The following ANXA8 variants were observed in gnomAD, a reference collection of about 807,000 sequenced individuals.
The protein encoded by ANXA8 is annexin A8.
A neutral mutation model predicts 26.8 loss-of-function variants in ANXA8; 9 were observed. That is an observed-to-expected ratio of 0.34 (90% confidence interval 0.20 to 0.59). The LOEUF is 0.59. Ranked by LOEUF, ANXA8 falls within the 20% of genes least tolerant of loss-of-function variation. ANXA8 has a pLI of 0.84. For synonymous variants in ANXA8, 39 were observed against 94.8 expected (o/e 0.41, Z 3.42); for missense variants, 83 against 238.5 (o/e 0.35, Z 4.29).
At chr10:47,676,458 C>G in the ANXA8 span, among the ~76,000 whole-genome samples, 1 of 151,804 alleles carries the variant, frequency 6.6e-6, no homozygotes, top group Admixed American at 6.6e-5. Context: ...AACAGGAGAG[C>G]AACAGGAGAA....
chr10:47,501,806 T>C, the ANXA8 span: 1 of 486,424 alleles, frequency 2.1e-6, no homozygotes, highest in Non-Finnish European at 3.6e-6. Flanking sequence ...TTTTCACACA[T>C]TTTATCTAAA....
the ANXA8 span, among the ~76,000 whole-genome samples, chr10:47,749,667 A>G: frequency 2.7e-5 from 4 of 149,034 alleles, no homozygotes; most frequent in South Asian, 8.7e-4. Flanking sequence ...AGTAAAACCA[A>G]TGGTAGGGGG....
At chr10:47,658,166 G>A in the ANXA8 span, among the ~76,000 whole-genome samples, 3 of 151,850 alleles carry the variant, frequency 2.0e-5, no homozygotes, top group East Asian at 1.9e-4. Flanking sequence ...TCAAGAGATC[G>A]AGACCATCCT....
chr10:47,746,815 A>G, the ANXA8 span, among the ~76,000 whole-genome samples: 2 of 90,136 alleles, frequency 2.2e-5, no homozygotes, highest in African/African-American at 4.1e-5. Flanking sequence ...TAGCAAAAAA[A>G]TTGCACACTG....
chr10:47,708,344 AAAAT>A, the ANXA8 span, among the ~76,000 whole-genome samples: 2 of 136,858 alleles, frequency 1.5e-5, no homozygotes, highest in African/African-American at 2.6e-5. Flanking sequence ...TTGTCTCAAA[AAAAT>A]AAATAAATAA....
intron 1 of ANXA8, among the ~76,000 whole-genome samples, chr10:47,483,700 C>T (rs1839936308): frequency 2.0e-5 from 3 of 147,764 alleles, no homozygotes; most frequent in African/African-American, 7.7e-5. Flanking sequence ...ATCAGCCTGT[C>T]TCCCGGCCCA....
chr10:47,649,860 G>A, the ANXA8 span, among the ~76,000 whole-genome samples: 2 of 146,370 alleles, frequency 1.4e-5, no homozygotes, highest in South Asian at 4.2e-4. Flanking sequence ...CTTCTGAGTA[G>A]CTGGGACTGT....
At chr10:47,690,833 T>C in the ANXA8 span, 3 of 1,611,522 alleles carry the variant, frequency 1.9e-6, no homozygotes. Context: ...AAAAGTGCTA[T>C]TAAAAGAAGC....
At chr10:47,577,644 A>G in the ANXA8 span, among the ~76,000 whole-genome samples, 1 of 130,524 alleles carries the variant, frequency 7.7e-6, no homozygotes, top group Non-Finnish European at 1.6e-5. Flanking sequence ...ACTGCACTCC[A>G]GCCTGGTTGA....
chr10:47,687,840 C>T, the ANXA8 span, among the ~76,000 whole-genome samples: 1 of 151,904 alleles, frequency 6.6e-6, no homozygotes, highest in Non-Finnish European at 1.5e-5. Context: ...TGGCTCACAC[C>T]TGTAATCCCA....
chr10:47,672,476 A>G, the ANXA8 span, among the ~76,000 whole-genome samples: 1 of 151,612 alleles, frequency 6.6e-6, no homozygotes, highest in Admixed American at 6.6e-5. Context: ...TGTTTAGTTA[A>G]TTAGTTTTAA....
chr10:47,767,045 G>C, the ANXA8 span, among the ~76,000 whole-genome samples: 35 of 141,512 alleles, frequency 2.5e-4, no homozygotes, highest in South Asian at 7.1e-4. Context: ...TACGAGAAAG[G>C]CCACTTTCAA....
chr10:47,924,539 A>G, the ANXA8 span, among the ~76,000 whole-genome samples: 1 of 151,080 alleles, frequency 6.6e-6, no homozygotes, highest in South Asian at 2.1e-4. Context: ...CTGGCCTACT[A>G]TAGCCTCCCA....
chr10:47,950,229 G>C, the ANXA8 span, among the ~76,000 whole-genome samples: 1 of 151,064 alleles, frequency 6.6e-6, no homozygotes, highest in Admixed American at 6.6e-5. Flanking sequence ...CCTAATAATA[G>C]AACTTCAAAA....
At chr10:47,685,163 A>G in the ANXA8 span, among the ~76,000 whole-genome samples, 1 of 150,596 alleles carries the variant, frequency 6.6e-6, no homozygotes. Context: ...CCTGACTTAC[A>G]TGGAGAAATC....
At chr10:47,670,164 A>G in the ANXA8 span, among the ~76,000 whole-genome samples, 1 of 151,924 alleles carries the variant, frequency 6.6e-6, no homozygotes, top group Non-Finnish European at 1.5e-5. Context: ...TTTGTGGTTC[A>G]TCTATGGTAT....
At chr10:47,738,471 C>A in the ANXA8 span, among the ~76,000 whole-genome samples, 1 of 147,562 alleles carries the variant, frequency 6.8e-6, no homozygotes, top group Non-Finnish European at 1.5e-5. Context: ...GTGGTTAAGG[C>A]TTACTATTTA....
At chr10:47,958,428 G>A in the ANXA8 span, among the ~76,000 whole-genome samples, 7 of 146,710 alleles carry the variant, frequency 4.8e-5, no homozygotes, top group Non-Finnish European at 7.4e-5. Context: ...GCAGTCAGCC[G>A]AGATCGAGCC....
chr10:47,671,158 C>T, the ANXA8 span, among the ~76,000 whole-genome samples: 1 of 152,010 alleles, frequency 6.6e-6, no homozygotes, highest in South Asian at 2.1e-4. Flanking sequence ...TGCAGTGGCT[C>T]ACATCTATAA....
Sources: gnomAD v4.1 joint callset for allele counts (sites outside exome capture counted in the v4.1 genomes callset) on GRCh38, gnomAD v4.1.1 for gene constraint, MANE v1.5 for transcripts, NCBI Gene and HGNC (gene_info 2026-07-23, HGNC 2026-07-21) for gene names.